The following KCNQ3 variants were observed in gnomAD, a reference collection of about 807,000 sequenced individuals.
KCNQ3 encodes potassium voltage-gated channel subfamily KQT member 3.
A neutral mutation model predicts 92.5 loss-of-function variants in KCNQ3; 30 were observed. The ratio of observed to expected loss-of-function variants is 0.32; its 90% CI spans 0.24 to 0.44. The LOEUF (loss-of-function observed/expected upper bound fraction) is 0.44. Ranked by LOEUF, KCNQ3 falls within the 20% of genes least tolerant of loss-of-function variation. KCNQ3 has a pLI of 1.00. For missense variants in KCNQ3, 913 were observed against 1,140.3 expected (o/e 0.80, Z 2.87); for synonymous variants, 450 against 468.8 (o/e 0.96, Z 0.52).
At chr8:132,254,187 C>A (rs1815503620) in intron 1 of KCNQ3, among the ~76,000 whole-genome samples, 1 of 152,182 alleles carries the variant, frequency 6.6e-6, no homozygotes, top group Non-Finnish European at 1.5e-5. Context: ...AGTGTGAGCA[C>A]TGTTGCTTTA....
intron 1 of KCNQ3, among the ~76,000 whole-genome samples, chr8:132,410,843 G>A (rs1481773173): frequency 6.6e-6 from 1 of 152,188 alleles, no homozygotes; most frequent in Non-Finnish European, 1.5e-5. Context: ...TGGCAAAGTG[G>A]GACTCTGTTG....
At chr8:132,434,989 T>A (rs139913586) in intron 1 of KCNQ3, among the ~76,000 whole-genome samples, 2 of 152,340 alleles carry the variant, frequency 1.3e-5, no homozygotes, top group East Asian at 3.9e-4. Context: ...CTCTTAAACC[T>A]ATAGCCTACC....
intron 12 of KCNQ3, among the ~76,000 whole-genome samples, chr8:132,137,020 A>G (rs1825122850): frequency 1.5e-5 from 2 of 132,216 alleles, no homozygotes; most frequent in South Asian, 5.2e-4. Context: ...GTGCACCACC[A>G]TGCCTGGATT....
At chr8:132,339,424 T>G (rs1818456736) in intron 1 of KCNQ3, among the ~76,000 whole-genome samples, 1 of 152,228 alleles carries the variant, frequency 6.6e-6, no homozygotes, top group Non-Finnish European at 1.5e-5. Context: ...AGGAATGCTT[T>G]GCTCTTTACC....
At chr8:132,176,711 A>G (rs943180450) in intron 4 of KCNQ3, among the ~76,000 whole-genome samples, 1 of 152,192 alleles carries the variant, frequency 6.6e-6, no homozygotes, top group Non-Finnish European at 1.5e-5. Flanking sequence ...GCATGGAGTC[A>G]TCTTCAGACT....
intron 1 of KCNQ3, among the ~76,000 whole-genome samples, chr8:132,442,885 A>G (rs1214963012): frequency 6.6e-6 from 1 of 152,160 alleles, no homozygotes; most frequent in Non-Finnish European, 1.5e-5. Flanking sequence ...AATGTTTGAG[A>G]TATTTTTAAC....
intron 1 of KCNQ3, among the ~76,000 whole-genome samples, chr8:132,264,107 GC>G (rs2130478919): frequency 6.6e-6 from 1 of 152,310 alleles, no homozygotes; most frequent in East Asian, 1.9e-4. Flanking sequence ...GACCCAGCTA[GC>G]AAGTGGTGAA....
At chr8:132,396,189 G>T (rs1820188625) in intron 1 of KCNQ3, among the ~76,000 whole-genome samples, 1 of 152,060 alleles carries the variant, frequency 6.6e-6, no homozygotes, top group Non-Finnish European at 1.5e-5. Context: ...TTCTCATTTA[G>T]TCTCCGAAAT....
chr8:132,468,049 G>A (rs903776403), intron 1 of KCNQ3, among the ~76,000 whole-genome samples: 11 of 152,190 alleles, frequency 7.2e-5, no homozygotes, highest in African/African-American at 1.4e-4. Flanking sequence ...GCTGTCAAGC[G>A]CCTCTCTCTC....
intron 1 of KCNQ3, among the ~76,000 whole-genome samples, chr8:132,365,824 G>C (rs541177705): frequency 6.6e-6 from 1 of 152,270 alleles, no homozygotes; most frequent in Admixed American, 6.5e-5. Flanking sequence ...GAGGCCAGGA[G>C]TTTGAGACTA....
intron 1 of KCNQ3, among the ~76,000 whole-genome samples, chr8:132,475,313 C>A (rs1822385996): frequency 6.6e-6 from 1 of 152,128 alleles, no homozygotes; most frequent in Non-Finnish European, 1.5e-5. Context: ...GGGTAATGGG[C>A]AGAGGTTGGG....
chr8:132,129,337 G>A lies in KCNQ3; in HGVS notation c.2544C>T (p.Ser848=), dbSNP rs766822002. Residue 848 remains serine (S), a synonymous_variant, in exon 15 of 15, where the codon AGC becomes AGT. Transcript: ENST00000388996. This position sits in a 1 kb window ranked among gnomAD's most constrained non-coding sequence, Gnocchi z 5.9. ...TDTDTDPFTP[S]GSMPLSSTGD... ...CTGTGGACGACAGAGGCATGGAGCC[G>A]CTGGGCGTGAAGGGGTCCGTGTCTG... The A allele has an allele frequency of 3.4e-5, 55 of 1,614,022 alleles. No homozygotes were observed. Among genetic ancestry groups the A allele is most frequent in the East Asian group, 6.7e-5 (3 of 44,892 alleles).
chr8:132,129,411 A>G lies in KCNQ3; in HGVS notation c.2470T>C (p.Ser824Pro). Residue 824 changes from serine to proline, a missense_variant, in exon 15 of 15, where the codon TCG (serine) becomes CCG (proline). This residue lies in a region of KCNQ3 where 375 missense variants were observed against 376.4 expected (regional missense o/e 1.00). Transcript: ENST00000388996. The surrounding 1 kb of genome is among the most constrained non-coding windows in gnomAD (Gnocchi z 5.9). ...TACCGCTTCTCCCTCATCCAGCTCG[A>G]CCCCCCATTGGGGCCGAACACATAA... ...DDYVFGPNGGSSWMREKRYLA... is the reference protein window; with the variant it reads ...DDYVFGPNGGPSWMREKRYLA... 1 of 1,613,566 alleles carries G rather than the reference A, an allele frequency of 6.2e-7. No individual in the cohort carries two copies. Among genetic ancestry groups the G allele is most frequent in the Non-Finnish European group, 8.5e-7 (1 of 1,179,922 alleles).
At chr8:132,149,967 C>T (rs1825584739) in intron 9 of KCNQ3, among the ~76,000 whole-genome samples, 1 of 152,198 alleles carries the variant, frequency 6.6e-6, no homozygotes, top group Non-Finnish European at 1.5e-5. Context: ...ATAAGAGGTT[C>T]TTCCCCCAGT....
chr8:132,304,712 C>T (rs897561200), intron 1 of KCNQ3, among the ~76,000 whole-genome samples: 4 of 152,148 alleles, frequency 2.6e-5, no homozygotes, highest in East Asian at 3.9e-4. Flanking sequence ...AGTTTCCATT[C>T]GACAGTACTG....
At chr8:132,280,667 A>G (rs1466102566) in intron 1 of KCNQ3, among the ~76,000 whole-genome samples, 1 of 152,202 alleles carries the variant, frequency 6.6e-6, no homozygotes. Context: ...TGGAGATGAC[A>G]TTTAAGCTGA....
intron 1 of KCNQ3, among the ~76,000 whole-genome samples, chr8:132,341,748 C>G (rs1427166170): frequency 6.6e-6 from 1 of 152,190 alleles, no homozygotes; most frequent in African/African-American, 2.4e-5. Context: ...TATTATCTCT[C>G]TAATCTTAGA....
intron 1 of KCNQ3, among the ~76,000 whole-genome samples, chr8:132,406,898 T>A (rs1480930126): frequency 6.6e-6 from 1 of 152,178 alleles, no homozygotes; most frequent in East Asian, 1.9e-4. Flanking sequence ...GACAATTTCA[T>A]GTGGTGGAAA....
intron 1 of KCNQ3, among the ~76,000 whole-genome samples, chr8:132,362,800 G>A (rs889431214): frequency 4.6e-5 from 7 of 152,164 alleles, no homozygotes; most frequent in Admixed American, 1.3e-4. Context: ...AGTCACAGCT[G>A]GTAGGAAAGC....
Sources: gnomAD v4.1 joint callset for allele counts (sites outside exome capture counted in the v4.1 genomes callset) on GRCh38, gnomAD v4.1.1 for gene constraint, gnomAD v4.1.1 regional missense constraint, Gnocchi (gnomAD v3.1) non-coding constraint, MANE v1.5 for transcripts, NCBI Gene and HGNC (gene_info 2026-07-23, HGNC 2026-07-21) for gene names.